Variants in SBF2 observed in about 807,000 individuals in gnomAD.
The protein encoded by SBF2 is myotubularin-related protein 13.
A neutral mutation model predicts 225.2 loss-of-function variants in SBF2; 112 were observed. The observed-to-expected ratio is 0.50, with a 90% CI of 0.43 to 0.58. SBF2 has a LOEUF of 0.58. Ranked by LOEUF, SBF2 falls within the 20% of genes least tolerant of loss-of-function variation. The probability of loss-of-function intolerance (pLI) is 0.00; values close to 1 mark genes in which losing one functional copy is unlikely to be tolerated. For missense variants in SBF2, 1,996 were observed against 2,206.2 expected, an observed-to-expected ratio of 0.90 and a Z score of 1.91; for synonymous variants, 763 against 773.3, an observed-to-expected ratio of 0.99 and a Z score of 0.22.
intron 16 of SBF2, among the ~76,000 whole-genome samples, chr11:9,898,182 G>A (rs1861427749): frequency 6.6e-6 from 1 of 152,104 alleles, no homozygotes. Flanking sequence ...ACTGCCCTGA[G>A]GAAAAAGGAA....
At chr11:9,965,713 G>A (rs986898195) in intron 14 of SBF2, among the ~76,000 whole-genome samples, 2 of 152,168 alleles carry the variant, frequency 1.3e-5, no homozygotes, top group African/African-American at 4.8e-5. Flanking sequence ...GCTTTATTAG[G>A]ATCAGGAAAA....
At chr11:9,955,238 T>C (rs1866085494) in intron 16 of SBF2, among the ~76,000 whole-genome samples, 3 of 152,174 alleles carry the variant, frequency 2.0e-5, no homozygotes, top group Non-Finnish European at 2.9e-5. Context: ...GAGGTAATCA[T>C]TGGTATCTCT....
At chr11:10,291,933 G>A (rs1030987189) in intron 1 of SBF2, among the ~76,000 whole-genome samples, 1 of 152,186 alleles carries the variant, frequency 6.6e-6, no homozygotes, top group Non-Finnish European at 1.5e-5. Context: ...CTTCCCACGT[G>A]CATATTCGTA....
chr11:10,161,280 T>C (rs1211864371), intron 2 of SBF2, among the ~76,000 whole-genome samples: 2 of 151,804 alleles, frequency 1.3e-5, no homozygotes, highest in African/African-American at 4.8e-5. Flanking sequence ...CCCAAAGTTA[T>C]GCATTCTTCC....
intron 2 of SBF2, among the ~76,000 whole-genome samples, chr11:10,069,913 A>G (rs1334615801): frequency 6.6e-6 from 1 of 152,242 alleles, no homozygotes; most frequent in African/African-American, 2.4e-5. Flanking sequence ...ATGACCAATG[A>G]TGATGAGCAT....
intron 10 of SBF2, 106 bp downstream of exon 10, chr11:9,993,815 C>G (rs1261474818): frequency 1.6e-5 from 19 of 1,199,856 alleles, no homozygotes; most frequent in Middle Eastern, 2.8e-4. Context: ...GCACTTTTTA[C>G]TCTGCTGTCC....
At chr11:9,929,259 C>CA (rs934392246) in intron 16 of SBF2, 20 of 170,252 alleles carry the variant, frequency 1.2e-4, no homozygotes, top group East Asian at 5.2e-4. Context: ...TGAGCTGAAC[C>CA]AAAAAAAACA....
chr11:10,260,999 T>C (rs556067015), intron 1 of SBF2, among the ~76,000 whole-genome samples: 7 of 151,992 alleles, frequency 4.6e-5, no homozygotes, highest in African/African-American at 1.7e-4. Flanking sequence ...GCAATCCAAT[T>C]ATAAAATAGG....
intron 1 of SBF2, among the ~76,000 whole-genome samples, chr11:10,264,702 T>C (rs1340597390): frequency 2.6e-5 from 4 of 152,294 alleles, no homozygotes; most frequent in East Asian, 3.9e-4. Context: ...GTCACCTACA[T>C]TAGGTATTTC....
At chr11:10,165,715 A>C (rs1955919840) in intron 2 of SBF2, among the ~76,000 whole-genome samples, 1 of 152,168 alleles carries the variant, frequency 6.6e-6, no homozygotes. Flanking sequence ...AATACTCCAC[A>C]TTCTGCCCTG....
rs774505575 is a variant in SBF2, at chr11:9,784,393, A to C, written c.5277T>G (p.Gly1759=). ...TLYKRGALLK[G]WKPRWFVLDV... ...CCAAAACAAACCAACGGGGCTTCCA[A>C]CCTTTCAGCAAAGCCCCTCTTTTAT... The change falls in exon 38 of 40, where the codon GGT becomes GGG. Residue 1759 remains glycine (G), a synonymous_variant. Transcript: ENST00000256190. The C allele has an allele frequency of 5.6e-6, 9 of 1,614,158 alleles. No individual in the cohort carries two copies. Among genetic ancestry groups the C allele is most frequent in the Non-Finnish European group, 7.6e-6 (9 of 1,179,982 alleles).
chr11:10,003,919 A>AAGAGTCTT, intron 6 of SBF2, among the ~76,000 whole-genome samples: 1 of 152,296 alleles, frequency 6.6e-6, no homozygotes, highest in East Asian at 1.9e-4. Flanking sequence ...CCGGTAAAGC[A>AAGAGTCTT]AGAGTCCCCA....
chr11:10,150,371 T>C (rs1313332837), intron 2 of SBF2, among the ~76,000 whole-genome samples: 1 of 152,140 alleles, frequency 6.6e-6, no homozygotes, highest in Admixed American at 6.5e-5. Flanking sequence ...AACTCATTAC[T>C]TTTTCAGGGG....
chr11:10,042,664 T>C (rs1949696264), intron 3 of SBF2, among the ~76,000 whole-genome samples, 180 bp downstream of exon 3: 1 of 152,224 alleles, frequency 6.6e-6, no homozygotes, highest in African/African-American at 2.4e-5. Flanking sequence ...GACAATTAAA[T>C]CTGGAAAGTA....
intron 6 of SBF2, among the ~76,000 whole-genome samples, chr11:10,012,330 T>G (rs943399727): frequency 1.3e-5 from 2 of 152,142 alleles, no homozygotes; most frequent in Non-Finnish European, 2.9e-5. Context: ...TTTGTAGAGA[T>G]GAGTTCTCAC....
At chr11:10,225,634 G>GT (rs1411748958) in intron 1 of SBF2, among the ~76,000 whole-genome samples, 2 of 152,038 alleles carry the variant, frequency 1.3e-5, no homozygotes, top group Non-Finnish European at 2.9e-5. Flanking sequence ...AAAGTGCTGG[G>GT]TTTTTTGCCT....
intron 2 of SBF2, among the ~76,000 whole-genome samples, chr11:10,185,633 T>C (rs925618154): frequency 1.3e-5 from 2 of 151,744 alleles, no homozygotes; most frequent in African/African-American, 4.8e-5. Flanking sequence ...TTTTTTTTTT[T>C]TAATAGCAAT....
At chr11:10,003,414 T>C (rs1404801151) in intron 6 of SBF2, among the ~76,000 whole-genome samples, 3 of 151,712 alleles carry the variant, frequency 2.0e-5, no homozygotes, top group African/African-American at 7.3e-5. Flanking sequence ...GTCATCGAGG[T>C]TGGAGTGCAG....
intron 2 of SBF2, among the ~76,000 whole-genome samples, chr11:10,187,059 A>G (rs1208156478): frequency 2.0e-5 from 3 of 152,154 alleles, no homozygotes. Flanking sequence ...CCAATCTCCT[A>G]TTACAGCTAA....
Sources: allele counts gnomAD v4.1 joint callset (sites outside exome capture counted in the v4.1 genomes callset), GRCh38; gene constraint gnomAD v4.1.1; transcripts MANE v1.5; gene names NCBI Gene and HGNC (gene_info 2026-07-23, HGNC 2026-07-21).